The following CSMD1 variants were observed in gnomAD, a reference collection of about 807,000 sequenced individuals.
CSMD1 encodes CUB and sushi domain-containing protein 1.
Under a neutral mutation model 417.5 loss-of-function variants are expected in CSMD1, and 213 were observed. The ratio of observed to expected loss-of-function variants is 0.51; its 90% confidence interval spans 0.46 to 0.57. The LOEUF (loss-of-function observed/expected upper bound fraction) is 0.57. CSMD1 is among the 20% of genes least tolerant of loss of function. The pLI is 0.00. For synonymous variants in CSMD1, 2,862 were observed against 1,736.8 expected, an observed-to-expected ratio of 1.65 and a Z score of -16.11; for missense variants, 6,923 against 4,529.7, an observed-to-expected ratio of 1.53 and a Z score of -15.17.
At position 4,796,599 on chromosome 8, in the gene CSMD1, C is replaced by G. The variant is rs75995498; in HGVS notation, c.86-159041G>C. The stretch of plus-strand genomic sequence containing the variant: ...CTGTGGGAGGCTGCAGACCTCGGCT[C>G]CAAGACCACTGATTAGCAAACACAG... On this transcript the variant is annotated intron_variant, in intron 1 of 69. Coordinates refer to ENST00000635120, the MANE Select transcript of CSMD1 (RefSeq NM_033225.6). Among the ~76,000 whole-genome samples the G allele has an allele frequency of 1.6e-3, 246 of 152,042 alleles. 2 individuals carry two copies. Among genetic ancestry groups the G allele is most frequent in the African/African-American group, 5.7e-3 (235 of 41,456 alleles).
intron 3 of CSMD1, among the ~76,000 whole-genome samples, chr8:4,032,604 CAATTG>C (rs1312720156): frequency 6.6e-6 from 1 of 152,104 alleles, no homozygotes; most frequent in Non-Finnish European, 1.5e-5. Flanking sequence ...GATGGATAAG[CAATTG>C]AATTAAATAA....
At chr8:3,531,832 G>A (rs563188915) in intron 10 of CSMD1, among the ~76,000 whole-genome samples, 1 of 152,312 alleles carries the variant, frequency 6.6e-6, no homozygotes, top group African/African-American at 2.4e-5. Flanking sequence ...CAGTTGCACA[G>A]AGAGAAACGG....
chr8:4,638,571 A>G (rs1802990479), intron 1 of CSMD1, among the ~76,000 whole-genome samples: 3 of 152,204 alleles, frequency 2.0e-5, no homozygotes. Context: ...GGTGGAGCAG[A>G]AAGGAAGGTG....
intron 3 of CSMD1, among the ~76,000 whole-genome samples, chr8:4,416,920 T>C (rs147766104): frequency 1.1e-3 from 170 of 152,172 alleles, no homozygotes; most frequent in African/African-American, 3.9e-3. Flanking sequence ...ATTTTAATAG[T>C]AATCTTATTA....
At chr8:3,167,045 G>A (rs1820268181) in intron 37 of CSMD1, among the ~76,000 whole-genome samples, 1 of 152,150 alleles carries the variant, frequency 6.6e-6, no homozygotes, top group Admixed American at 6.5e-5. Context: ...CCAGCACTTT[G>A]GGAGGCCAAG....
rs115099220 is a variant in CSMD1, at chr8:3,683,533, G to A, written c.1009+24881C>T. ...TTGGAGGGGGAGGTATTTCTGCACT[G>A]TGCCAAAAAATCATTTGAAACCAAA... On this transcript the variant is annotated intron_variant, in intron 7 of 69. Coordinates refer to ENST00000635120, the MANE Select transcript of CSMD1 (RefSeq NM_033225.6). Among the ~76,000 whole-genome samples the A allele has an allele frequency of 8.3e-4, 126 of 152,264 alleles. 3 individuals are homozygous for A. The highest frequency in any genetic ancestry group is 2.9e-3 in the African/African-American group (120 of 41,546).
chr8:3,409,398 G>C (rs770737611), intron 13 of CSMD1, 25 bp downstream of exon 13: 1 of 1,584,876 alleles, frequency 6.3e-7, no homozygotes, highest in Non-Finnish European at 8.6e-7. Flanking sequence ...ACAGGAGGGA[G>C]TCCAGGTCAA....
chr8:3,823,562 C>T (rs1306914155), intron 5 of CSMD1, among the ~76,000 whole-genome samples: 1 of 151,938 alleles, frequency 6.6e-6, no homozygotes, highest in Non-Finnish European at 1.5e-5. Context: ...AAAAAATTTA[C>T]AATTATAATG....
intron 2 of CSMD1, among the ~76,000 whole-genome samples, chr8:4,566,450 G>T (rs1017661418): frequency 6.6e-6 from 1 of 151,168 alleles, no homozygotes; most frequent in Non-Finnish European, 1.5e-5. Flanking sequence ...TCAAGAGAAC[G>T]AGACCATCCT....
chr8:4,019,803 C>T (rs1310764272), intron 4 of CSMD1, among the ~76,000 whole-genome samples: 1 of 152,034 alleles, frequency 6.6e-6, no homozygotes, highest in African/African-American at 2.4e-5. Flanking sequence ...CCCACTGCCA[C>T]ACAGGCCTTT....
At chr8:4,268,134 A>G (rs1804336402) in intron 3 of CSMD1, among the ~76,000 whole-genome samples, 1 of 152,170 alleles carries the variant, frequency 6.6e-6, no homozygotes, top group African/African-American at 2.4e-5. Flanking sequence ...TGTTAAACAT[A>G]TGTCCAAATC....
At chr8:3,508,221 G>T (rs1280984058) in intron 10 of CSMD1, among the ~76,000 whole-genome samples, 2 of 152,098 alleles carry the variant, frequency 1.3e-5, no homozygotes, top group Non-Finnish European at 2.9e-5. Flanking sequence ...GCAGGTAGTA[G>T]GAATTTGAGG....
At chr8:3,298,555 G>A (rs1411341321) in intron 25 of CSMD1, among the ~76,000 whole-genome samples, 2 of 152,164 alleles carry the variant, frequency 1.3e-5, no homozygotes, top group Non-Finnish European at 2.9e-5. Flanking sequence ...CCAGGCTCAA[G>A]CAATTCTTCT....
At chr8:3,217,697 T>G (rs1344362553) in intron 29 of CSMD1, among the ~76,000 whole-genome samples, 1 of 152,194 alleles carries the variant, frequency 6.6e-6, no homozygotes, top group Non-Finnish European at 1.5e-5. Context: ...TAGGATACTC[T>G]GATTGCTAAA....
intron 5 of CSMD1, among the ~76,000 whole-genome samples, chr8:3,986,386 C>G (rs899719954): frequency 3.2e-4 from 49 of 152,258 alleles, no homozygotes; most frequent in African/African-American, 1.2e-3. Flanking sequence ...CCTTCCTAAC[C>G]ACAGGCCCTG....
At chr8:3,850,461 G>C (rs1047074529) in intron 5 of CSMD1, among the ~76,000 whole-genome samples, 1 of 152,184 alleles carries the variant, frequency 6.6e-6, no homozygotes, top group African/African-American at 2.4e-5. Context: ...TTGGAAGGCT[G>C]AGGCAGGCAG....
intron 3 of CSMD1, among the ~76,000 whole-genome samples, chr8:4,349,614 G>C (rs1022383600): frequency 1.3e-5 from 2 of 152,052 alleles, no homozygotes; most frequent in Non-Finnish European, 2.9e-5. Context: ...AAGCTGTTAC[G>C]TCTCCCTGAA....
chr8:4,026,455 A>G (rs1797070299), intron 4 of CSMD1, among the ~76,000 whole-genome samples: 1 of 152,226 alleles, frequency 6.6e-6, no homozygotes, highest in African/African-American at 2.4e-5. Flanking sequence ...CTTTGACTAC[A>G]GATACGATTA....
chr8:4,160,884 C>A (rs981652271), intron 3 of CSMD1, among the ~76,000 whole-genome samples: 5 of 152,168 alleles, frequency 3.3e-5, no homozygotes, highest in Non-Finnish European at 5.9e-5. Flanking sequence ...AAAGGACATA[C>A]TGCTGTTGTT....
Sources: gnomAD v4.1 joint callset for allele counts (sites outside exome capture counted in the v4.1 genomes callset) on GRCh38, gnomAD v4.1.1 for gene constraint, MANE v1.5 for transcripts, NCBI Gene and HGNC (gene_info 2026-07-23, HGNC 2026-07-21) for gene names.